Variants in FAM13A observed in about 807,000 individuals in gnomAD.
FAM13A encodes the protein protein FAM13A.
A neutral mutation model predicts 129.6 loss-of-function variants in FAM13A; 76 were observed. The ratio of observed to expected loss-of-function variants is 0.59; its 90% CI spans 0.49 to 0.71. The LOEUF (loss-of-function observed/expected upper bound fraction) is 0.71, where lower values mean the gene tolerates loss of function less well. Among genes scored for constraint, FAM13A ranks in the 30% least tolerant of loss-of-function variants. The probability of loss-of-function intolerance (pLI) is 0.00; values close to 1 mark genes in which losing one functional copy is unlikely to be tolerated. For missense variants in FAM13A, 1,108 were observed against 1,249.3 expected, an observed-to-expected ratio of 0.89 and a Z score of 1.70; for synonymous variants, 443 against 449.9, an observed-to-expected ratio of 0.98 and a Z score of 0.20.
Position 89,057,116 on chromosome 4 carries a change from ACATTTTAG to A in FAM13A, c.-160_-153del. ...CAAGGTAAGCGAAGAGCAGCTTCTAACATTTTAGGAAGAGTGGTTTTGCTTCTCTTTCC... is the reference window on the plus strand; with the variant it reads ...CAAGGTAAGCGAAGAGCAGCTTCTAAGAAGAGTGGTTTTGCTTCTCTTTCC... On this transcript the variant is annotated 5_prime_UTR_variant, in exon 1 of 24. An upstream start codon of the reference 5' UTR is lost. Transcript: ENST00000264344. 1 of 1,455,504 alleles carries A rather than the reference ACATTTTAG, an allele frequency of 6.9e-7. No individual in the cohort carries two copies. The highest frequency in any genetic ancestry group is 2.9e-5 in the Admixed American group (1 of 34,244). The allele number at this position is 1,455,504 out of a possible 1,614,324, so 90.2% of individuals were successfully genotyped here.
At chr4:88,761,606 TGGGCCACAGCAAGA>T (rs1744831900) in intron 13 of FAM13A, among the ~76,000 whole-genome samples, 1 of 151,996 alleles carries the variant, frequency 6.6e-6, no homozygotes, top group Non-Finnish European at 1.5e-5. Flanking sequence ...CGTGGCATGC[TGGGCCACAGCAAGA>T]GAAGAGTTTC....
intron 7 of FAM13A, among the ~76,000 whole-genome samples, chr4:88,843,359 T>C (rs922527076): frequency 1.8e-4 from 28 of 152,360 alleles, no homozygotes; most frequent in African/African-American, 6.7e-4. Context: ...TTTTTCAAAT[T>C]ATATTGTACA....
At chr4:88,789,883 T>G (rs1724777137) in intron 9 of FAM13A, among the ~76,000 whole-genome samples, 1 of 152,102 alleles carries the variant, frequency 6.6e-6, no homozygotes, top group East Asian at 1.9e-4. Flanking sequence ...GCAATAAGGT[T>G]GGCCCTCCGT....
Position 88,728,285 on chromosome 4 carries a change from G to A in FAM13A, c.*248C>T, listed in dbSNP as rs1455259701. 3.0e-5 allele frequency: 16 copies of A among 540,980 alleles called. No homozygotes were observed. Among genetic ancestry groups the A allele is most frequent in the Middle Eastern group, 5.0e-4 (1 of 1,990 alleles). 33.5% of individuals were successfully genotyped at this position (540,980 alleles called of 1,614,324 possible). A position where few individuals can be genotyped will look rare whatever the true frequency, so the allele number is the denominator to read the frequency against. ...TGTGTGTGTGTGTGCGTGCATGCGC[G>A]TGCGCATGTGCACATACTGCAGTCT... On this transcript the variant is annotated 3_prime_UTR_variant, in exon 24 of 24. Transcript: ENST00000264344.
At chr4:89,011,558 AT>A (rs1234482736) in intron 3 of FAM13A, among the ~76,000 whole-genome samples, 2 of 152,070 alleles carry the variant, frequency 1.3e-5, no homozygotes, top group Non-Finnish European at 2.9e-5. Flanking sequence ...TTTCTTAAAC[AT>A]TTTATTATTT....
intron 3 of FAM13A, among the ~76,000 whole-genome samples, chr4:89,012,868 TA>T (rs370071509): frequency 1.0e-4 from 15 of 147,012 alleles, no homozygotes; most frequent in South Asian, 2.1e-4. Flanking sequence ...ACAACAACAT[TA>T]AAAAAAAAAG....
At chr4:88,992,706 T>G (rs992995562) in intron 3 of FAM13A, among the ~76,000 whole-genome samples, 1 of 152,234 alleles carries the variant, frequency 6.6e-6, no homozygotes, top group Non-Finnish European at 1.5e-5. Flanking sequence ...AGATTTGTTT[T>G]GCCAATACTT....
At chr4:88,737,621 C>T in intron 20 of FAM13A, 66 bp from the exon 21 acceptor site, 1 of 1,171,724 alleles carries the variant, frequency 8.5e-7, no homozygotes, top group Non-Finnish European at 1.3e-6. Context: ...AGCTCTCGGC[C>T]TCCTCTGACC....
rs868210204 is a variant in FAM13A, at chr4:88,838,733, A to G, written c.1007+12287T>C. On this transcript the variant is annotated intron_variant, in intron 7 of 23. Transcript: ENST00000264344. ...CAGAGCAAGACTCCGTCTCAAAAAAAAAAAAGAAAAAGAAAAAGAAAATAC... is the reference window on the plus strand; with the variant it reads ...CAGAGCAAGACTCCGTCTCAAAAAAGAAAAAGAAAAAGAAAAAGAAAATAC... 2.2e-3 allele frequency among the ~76,000 whole-genome samples: 327 copies of G among 149,716 alleles called. 4 individuals carry two copies. The highest frequency in any genetic ancestry group is 6.9e-3 in the African/African-American group (285 of 41,546).
chr4:88,891,253 G>A (rs1017197811), intron 6 of FAM13A, among the ~76,000 whole-genome samples: 1 of 151,938 alleles, frequency 6.6e-6, no homozygotes, highest in East Asian at 1.9e-4. Flanking sequence ...GCAAAACCAC[G>A]TCTCTACAAA....
At chr4:89,014,511 G>A (rs1036952639) in intron 3 of FAM13A, among the ~76,000 whole-genome samples, 2 of 152,136 alleles carry the variant, frequency 1.3e-5, no homozygotes, top group African/African-American at 2.4e-5. Flanking sequence ...TAACTATTGT[G>A]GGAAGTCAGG....
chr4:89,033,880 C>A (rs1340812165), intron 1 of FAM13A, among the ~76,000 whole-genome samples: 2 of 152,096 alleles, frequency 1.3e-5, no homozygotes, highest in African/African-American at 4.8e-5. Flanking sequence ...TAACCATATG[C>A]AGAATAATGA....
At chr4:88,802,263 G>A (rs927727099) in intron 8 of FAM13A, among the ~76,000 whole-genome samples, 1 of 151,474 alleles carries the variant, frequency 6.6e-6, no homozygotes, top group Non-Finnish European at 1.5e-5. Flanking sequence ...TTTCAACTGG[G>A]CTGGTAATCC....
chr4:88,963,092 G>C (rs541136569), intron 4 of FAM13A, among the ~76,000 whole-genome samples: 1 of 151,786 alleles, frequency 6.6e-6, no homozygotes, highest in Non-Finnish European at 1.5e-5. Flanking sequence ...TTATTTACAA[G>C]AAGCAAGTAT....
At position 88,726,962 on chromosome 4, in the gene FAM13A, A is replaced by G. The variant is rs138116430; in HGVS notation, c.*1571T>C. 5.7e-3 allele frequency: 877 copies of G among 152,550 alleles called. 25 individuals carry two copies. Among genetic ancestry groups the G allele is most frequent in the Non-Finnish European group, 1.6e-3 (109 of 68,024 alleles). 9.4% of individuals were successfully genotyped at this position (152,550 alleles called of 1,614,324 possible). ...GCTGACAGAAGAGAGCTGCTACCTCACTTCAGCAATGGAAAATGTTGCTGT... is the reference window on the plus strand; with the variant it reads ...GCTGACAGAAGAGAGCTGCTACCTCGCTTCAGCAATGGAAAATGTTGCTGT... On this transcript the variant is annotated 3_prime_UTR_variant, in exon 24 of 24. Coordinates refer to ENST00000264344, the MANE Select transcript of FAM13A (RefSeq NM_014883.4).
Position 88,804,985 on chromosome 4 carries a change from T to C in FAM13A, c.1049+26A>G, listed in dbSNP as rs183279782. The C allele has an allele frequency of 2.3e-3, 3,348 of 1,426,860 alleles. 12 individuals carry two copies. The highest frequency in any genetic ancestry group is 3.1e-3 in the Non-Finnish European group (3,119 of 1,013,408). 88.4% of individuals were successfully genotyped at this position (1,426,860 alleles called of 1,614,324 possible). A position where few individuals can be genotyped will look rare whatever the true frequency, so the allele number is the denominator to read the frequency against. On this transcript the variant is annotated intron_variant, in intron 8 of 23. Coordinates refer to ENST00000264344, the MANE Select transcript of FAM13A (RefSeq NM_014883.4). ...CTTAACCCTCCTTTATTCCCTGTAG[T>C]AGACCAACAAAAATCAAATAAATAC...
intron 6 of FAM13A, among the ~76,000 whole-genome samples, chr4:88,864,404 G>T (rs1045956213): frequency 6.6e-6 from 1 of 152,050 alleles, no homozygotes; most frequent in African/African-American, 2.4e-5. Flanking sequence ...TTGTGTTTGT[G>T]ATCTTATTTA....
chr4:89,003,895 G>A (rs553430534), intron 3 of FAM13A, among the ~76,000 whole-genome samples: 18 of 151,246 alleles, frequency 1.2e-4, no homozygotes, highest in African/African-American at 4.4e-4. Flanking sequence ...TCAAATGGAA[G>A]CAAATACCAA....
intron 6 of FAM13A, among the ~76,000 whole-genome samples, chr4:88,879,779 GCCAGGTGCCTGAGTGA>G (rs1276506854): frequency 6.6e-6 from 1 of 152,182 alleles, no homozygotes; most frequent in African/African-American, 2.4e-5. Flanking sequence ...GCTCTGTCAG[GCCAGGTGCCTGAGTGA>G]CCAGCAAGAG....
Sources: allele counts gnomAD v4.1 joint callset (sites outside exome capture counted in the v4.1 genomes callset), GRCh38; gene constraint gnomAD v4.1.1; transcripts MANE v1.5; gene names NCBI Gene and HGNC (gene_info 2026-07-23, HGNC 2026-07-21).